STAB1: variants seen among roughly 807,000 people sequenced by gnomAD.
STAB1 encodes the protein stabilin-1.
Under a neutral mutation model 332.4 loss-of-function variants are expected in STAB1, and 250 were observed. The ratio of observed to expected loss-of-function variants is 0.75; its 90% CI spans 0.68 to 0.84. The LOEUF (loss-of-function observed/expected upper bound fraction) is 0.84, where lower values mean the gene tolerates loss of function less well. Among genes scored for constraint, STAB1 ranks in the 40% least tolerant of loss-of-function variants. STAB1 has a pLI of 0.00. For missense variants in STAB1, 3,249 were observed against 3,489.7 expected (o/e 0.93, Z 1.74); for synonymous variants, 1,475 against 1,390.4 (o/e 1.06, Z -1.35).
Position 52,518,423 on chromosome 3 carries a change from A to ATC in STAB1, c.4809+66_4809+67dup, listed in dbSNP as rs1299192490. ...CACCCCTCTCTGGACTTCTGTCCCC[A>ATC]TCTGGTCAGGGGGTTGGCTGGTTTG... On this transcript the variant is annotated intron_variant, in intron 46 of 68. Transcript: ENST00000321725. 1.9e-6 allele frequency: 3 copies of ATC among 1,587,896 alleles called. No individual in the cohort carries two copies. In the African/African-American group the frequency reaches 4.0e-5, roughly 21 times the overall value.
At position 52,504,825 on chromosome 3, in the gene STAB1, G is replaced by T. The variant is rs753093836; in HGVS notation, c.1326G>T (p.Arg442Ser). ...LEDTRTQQTR[R>S]WWTLAGQEIT... is the part of the protein sequence containing the mutation. ...ACACAAGGACCCAACAAACACGAAG[G>T]TGGTGGACGCTGGCCGGGCAGGAGA... The change falls in exon 12 of 69, where the codon AGG becomes AGT. Residue 442 changes from arginine (R) to serine (S), a missense_variant. Arg to Ser is a moderately radical substitution (Grantham distance 110). Transcript: ENST00000321725. 5.0e-6 allele frequency: 8 copies of T among 1,613,864 alleles called. No homozygotes were observed. Among genetic ancestry groups the T allele is most frequent in the Middle Eastern group, 1.6e-4 (1 of 6,062 alleles).
intron 45 of STAB1, 89 bp downstream of exon 45, chr3:52,518,092 C>T: frequency 6.5e-7 from 1 of 1,530,698 alleles, no homozygotes; most frequent in Non-Finnish European, 8.7e-7. Context: ...CGATTTGATC[C>T]TGATTCTGGC....
intron 21 of STAB1, 173 bp downstream of exon 21, chr3:52,508,532 A>G (rs1375697407): frequency 5.8e-6 from 4 of 692,788 alleles, no homozygotes; most frequent in Non-Finnish European, 1.0e-5. Flanking sequence ...ATTAAAAATA[A>G]TTAGAGAGGC....
chr3:52,511,266 CTGAGTAGGG>C (rs1709280614), intron 25 of STAB1, among the ~76,000 whole-genome samples: 1 of 152,174 alleles, frequency 6.6e-6, no homozygotes, highest in Non-Finnish European at 1.5e-5. Context: ...ATTAGAGCAG[CTGAGTAGGG>C]TGGCAGGGGT....
Position 52,513,651 on chromosome 3 carries a change from G to T in STAB1, c.3271-66G>T, listed in dbSNP as rs1161017350. The stretch of plus-strand genomic sequence containing the variant: ...TGTGTGCCTGGCAGTCTCTCTGTTG[G>T]GGCTGCCCCACCTTTAAGGGTCTAT... On this transcript the variant is annotated intron_variant, in intron 30 of 68. Coordinates refer to ENST00000321725, the MANE Select transcript of STAB1 (RefSeq NM_015136.3). 5.3e-6 allele frequency: 8 copies of T among 1,514,642 alleles called. No homozygotes were observed. In the East Asian group the frequency reaches 1.9e-4, roughly 36 times the overall value. 93.8% of individuals were successfully genotyped at this position (1,514,642 alleles called of 1,614,324 possible).
In STAB1 at chr3:52,524,290, G is replaced by C. The variant is rs757360174; in HGVS notation, c.7657-10G>C. On this transcript the variant is annotated splice_polypyrimidine_tract_variant and intron_variant, in intron 68 of 68. Transcript: ENST00000321725. Reference sequence around the variant, plus strand: ...GGTCACACCCTCCACCACCAACCCTGCTCTTCTAGGACTCACTGCTGGAGG... The same window carrying C: ...GGTCACACCCTCCACCACCAACCCTCCTCTTCTAGGACTCACTGCTGGAGG... The C allele has an allele frequency of 1.9e-6, 3 of 1,613,894 alleles. No homozygotes were observed. Among genetic ancestry groups the C allele is most frequent in the Non-Finnish European group, 2.5e-6 (3 of 1,179,954 alleles).
rs1210972388 is a variant in STAB1, at chr3:52,503,527, A to G, written c.878A>G (p.Gln293Arg). 2 of 1,613,396 alleles carry G rather than the reference A, an allele frequency of 1.2e-6. No homozygotes were observed. Among genetic ancestry groups the G allele is most frequent in the South Asian group, 2.2e-5 (2 of 91,080 alleles). The change falls in exon 8 of 69, where the codon CAG (glutamine) becomes CGG (arginine). Residue 293 changes from glutamine to arginine, a missense_variant. Transcript: ENST00000321725. The stretch of plus-strand genomic sequence containing the variant: ...AGCAACTCTACTTTGTGTGTGTACC[A>G]GAAGCCGGGCCAGGTGAGCCAGGGT... ...CPSNSTLCVY[Q>R]KPGQAFCTCR...
Position 52,517,979 on chromosome 3 carries a change from C to G in STAB1, c.4737C>G (p.Leu1579=). ...CDTAHTVGDG[L]TCRARVGLEL... ...CAGCCCACACCGTGGGGGACGGCCT[C>G]ACCTGCCGTGCCCGAGTCGGCCTGG... is the stretch of plus-strand genomic sequence containing the variant. Residue 1579 remains leucine, a synonymous_variant, in exon 45 of 69, where the codon CTC becomes CTG. Coordinates refer to ENST00000321725, the MANE Select transcript of STAB1 (RefSeq NM_015136.3). The G allele has an allele frequency of 6.2e-7, 1 of 1,605,980 alleles. No homozygotes were observed. Among genetic ancestry groups the G allele is most frequent in the Admixed American group, 1.7e-5 (1 of 57,748 alleles).
Position 52,519,384 on chromosome 3 carries a change from G to A in STAB1, c.5155G>A (p.Asp1719Asn), listed in dbSNP as rs370958173. The A allele has an allele frequency of 2.0e-5, 33 of 1,612,986 alleles. No homozygotes were observed. The highest frequency in any genetic ancestry group is 2.7e-5 in the Non-Finnish European group (32 of 1,180,002). ...CCCCGAGGCGCTGCACTGGGAGCCT[G>A]ATGATGCTCCCATCCCGAGGGTATG... is the stretch of plus-strand genomic sequence containing the variant. ...LPPEALHWEP[D>N]DAPIPRRNVT... The change falls in exon 49 of 69, where the codon GAT (aspartate) becomes AAT (asparagine). Residue 1719 changes from aspartate to asparagine, a missense_variant. Transcript: ENST00000321725.
At position 52,504,022 on chromosome 3, in the gene STAB1, G is replaced by A. The variant is rs1455611320; in HGVS notation, c.1023-6G>A. ...CCGCCCTGACTGGCTCTCCCTGGGA[G>A]CCCAGCTGTGTGTGCAGGGAAAGCG... On this transcript the variant is annotated splice_region_variant and splice_polypyrimidine_tract_variant and intron_variant, in intron 9 of 68. Transcript: ENST00000321725. 1 of 1,605,514 alleles carries A rather than the reference G, an allele frequency of 6.2e-7. No individual in the cohort carries two copies. Among genetic ancestry groups the A allele is most frequent in the Non-Finnish European group, 8.5e-7 (1 of 1,176,492 alleles).
In STAB1 at chr3:52,517,571, G is replaced by A. The variant is rs149944392; in HGVS notation, c.4585G>A (p.Gly1529Ser). The change falls in exon 44 of 69, where the codon GGT (glycine) becomes AGT (serine). Residue 1529 changes from glycine to serine, a missense_variant. Gly to Ser is a moderately conservative substitution (Grantham distance 56, BLOSUM62 0). Transcript: ENST00000321725. Reference protein sequence around the residue: ...PQQVSCSCREGYSGDGIRTCE... With the variant: ...PQQVSCSCRESYSGDGIRTCE... ...ACAGGTCTCCTGCAGCTGCCGTGAGGGTTACAGCGGGGATGGCATCCGGAC... is the reference window on the plus strand; with the variant it reads ...ACAGGTCTCCTGCAGCTGCCGTGAGAGTTACAGCGGGGATGGCATCCGGAC... 428 of 1,612,786 alleles carry A rather than the reference G, an allele frequency of 2.7e-4. No homozygotes were observed. The highest frequency in any genetic ancestry group is 3.5e-4 in the Non-Finnish European group (410 of 1,179,928).
In STAB1 at chr3:52,522,120, T is replaced by C; in HGVS notation, c.6355T>C (p.Cys2119Arg). The C allele has an allele frequency of 4.3e-6, 7 of 1,612,982 alleles. No individual in the cohort carries two copies. Among genetic ancestry groups the C allele is most frequent in the Non-Finnish European group, 5.9e-6 (7 of 1,179,990 alleles). ...SQVGTMVTCT[C>R]LPDYEGDGWS... ...GGTAGGAACAATGGTCACTTGTACC[T>C]GCCTGCCCGACTACGAGGGTGATGG... The change falls in exon 59 of 69, where the codon TGC (cysteine) becomes CGC (arginine). Residue 2119 changes from cysteine to arginine, a missense_variant. Cys to Arg is a radical substitution (Grantham distance 180). Coordinates refer to ENST00000321725, the MANE Select transcript of STAB1 (RefSeq NM_015136.3).
intron 46 of STAB1, 69 bp downstream of exon 46, chr3:52,518,428 G>C: frequency 2.5e-6 from 4 of 1,583,660 alleles, no homozygotes; most frequent in Non-Finnish European, 2.6e-6. Context: ...TCCCCATCTG[G>C]TCAGGGGGTT....
chr3:52,514,293 CAGTG>C (rs1407193363), intron 33 of STAB1, 68 bp from the exon 34 acceptor site: 2 of 1,592,316 alleles, frequency 1.3e-6, no homozygotes, highest in East Asian at 2.2e-5. Context: ...CGAAGGGACA[CAGTG>C]GGTGTGGCGT....
intron 7 of STAB1, 80 bp from the exon 8 acceptor site, chr3:52,503,264 C>G: frequency 2.0e-6 from 3 of 1,527,378 alleles, no homozygotes; most frequent in Non-Finnish European, 2.7e-6. Flanking sequence ...CTGCTGGCCC[C>G]GGCCTTCCTG....
chr3:52,520,935 C>T lies in STAB1; in HGVS notation c.5838C>T (p.Cys1946=). Residue 1946 remains cysteine, a synonymous_variant, in exon 55 of 69, where the codon TGC becomes TGT. Coordinates refer to ENST00000321725, the MANE Select transcript of STAB1 (RefSeq NM_015136.3). ...GGCCCCAAGGCCTGGGCAGGGGCTGCCACCGCAATTGTGTCACCACCACCT... is the reference window on the plus strand; with the variant it reads ...GGCCCCAAGGCCTGGGCAGGGGCTGTCACCGCAATTGTGTCACCACCACCT... ...WGRPQGLGRG[C]HRNCVTTTWK... 6.3e-7 allele frequency: 1 copy of T among 1,592,352 alleles called. No homozygotes were observed. The highest frequency in any genetic ancestry group is 2.2e-5 in the East Asian group (1 of 44,658).
rs561478302 is a variant in STAB1, at chr3:52,513,986, G to A, written c.3447+5G>A. On this transcript the variant is annotated splice_donor_5th_base_variant and intron_variant, in intron 32 of 68. Coordinates refer to ENST00000321725, the MANE Select transcript of STAB1 (RefSeq NM_015136.3). ...CTCTTCCGGGAATTGCTGCAGGTAC[G>A]GAAGGCTGGCAAGAGGGGATGTGCC... 50 of 1,596,726 alleles carry A rather than the reference G, an allele frequency of 3.1e-5. 1 individual carries two copies. The highest frequency in any genetic ancestry group is 2.0e-4 in the South Asian group (18 of 89,278).
At chr3:52,515,184 C>T (rs1666665487) in intron 36 of STAB1, 139 bp downstream of exon 36, 7 of 1,164,988 alleles carry the variant, frequency 6.0e-6, no homozygotes, top group Admixed American at 4.4e-5. Context: ...CTGACGTCCC[C>T]ATAGAGGTCT....
Position 52,509,876 on chromosome 3 carries a change from G to A in STAB1, c.2354G>A (p.Gly785Asp). 3 of 1,613,022 alleles carry A rather than the reference G, an allele frequency of 1.9e-6. No homozygotes were observed. Among genetic ancestry groups the A allele is most frequent in the Non-Finnish European group, 2.5e-6 (3 of 1,180,008 alleles). Residue 785 changes from glycine (G) to aspartate (D), a missense_variant, in exon 23 of 69, where the codon GGC (glycine) becomes GAC (aspartate). Transcript: ENST00000321725. ...KHGEQCQEDC[G>D]CVHGLCDNRP... ...TCCCATCTACTCCATACAGACTGCG[G>A]CTGTGTCCATGGTCTCTGCGACAAC... is the stretch of plus-strand genomic sequence containing the variant.
Sources: allele counts gnomAD v4.1 joint callset (sites outside exome capture counted in the v4.1 genomes callset), GRCh38; gene constraint gnomAD v4.1.1; transcripts MANE v1.5; gene names NCBI Gene and HGNC (gene_info 2026-07-23, HGNC 2026-07-21).